The following PAX3 variants were observed in gnomAD, a reference collection of about 807,000 sequenced individuals.
PAX3 encodes paired box protein Pax-3.
In PAX3, 14 loss-of-function variants were observed where a neutral mutation model predicts 51.6. That is an observed-to-expected ratio of 0.27 (90% CI 0.18 to 0.42). The LOEUF (loss-of-function observed/expected upper bound fraction) is 0.42. Among genes scored for constraint, PAX3 ranks in the 10% least tolerant of loss-of-function variants. PAX3 has a pLI of 1.00. For synonymous variants in PAX3, 280 were observed against 253.4 expected, an observed-to-expected ratio of 1.11 and a Z score of -1.00; for missense variants, 540 against 642.8, an observed-to-expected ratio of 0.84 and a Z score of 1.73.
intron 3 of PAX3, among the ~76,000 whole-genome samples, chr2:222,295,302 G>T (rs1471231324): frequency 1.3e-5 from 2 of 152,158 alleles, no homozygotes; most frequent in Non-Finnish European, 2.9e-5. Context: ...TCTTCTTTGG[G>T]GCGTCCTCAG....
intron 5 of PAX3, among the ~76,000 whole-genome samples, chr2:222,223,631 G>A (rs879518655): frequency 7.2e-5 from 11 of 152,132 alleles, no homozygotes; most frequent in African/African-American, 2.7e-4. Flanking sequence ...ATTATAATAC[G>A]TCAAGACTAA....
intron 7 of PAX3, among the ~76,000 whole-genome samples, chr2:222,209,316 C>T (rs1038081519): frequency 1.2e-4 from 18 of 152,200 alleles, no homozygotes; most frequent in East Asian, 3.9e-4. Flanking sequence ...ACAGAAAAGA[C>T]GCTTCCTTGC....
intron 4 of PAX3, among the ~76,000 whole-genome samples, chr2:222,250,636 T>C (rs1020538386): frequency 5.9e-5 from 9 of 152,170 alleles, no homozygotes; most frequent in Non-Finnish European, 1.2e-4. Flanking sequence ...TTTGGTTAGA[T>C]TGGTTGGTTA....
chr2:222,249,314 T>A (rs1693338209), intron 4 of PAX3, among the ~76,000 whole-genome samples: 1 of 152,210 alleles, frequency 6.6e-6, no homozygotes, highest in Non-Finnish European at 1.5e-5. Context: ...ATGTCGTGAT[T>A]CTTCTCTTTG....
intron 4 of PAX3, among the ~76,000 whole-genome samples, chr2:222,255,782 C>CTTTTT (rs71781283): frequency 7.3e-6 from 1 of 136,542 alleles, no homozygotes; most frequent in Non-Finnish European, 1.6e-5. Flanking sequence ...CAATTATATT[C>CTTTTT]TTTTTTTTTT....
intron 4 of PAX3, among the ~76,000 whole-genome samples, chr2:222,258,471 T>C (rs1228064493): frequency 6.6e-6 from 1 of 152,190 alleles, no homozygotes; most frequent in Non-Finnish European, 1.5e-5. Context: ...TATTTAAATA[T>C]GGAGCTTATA....
chr2:222,220,400 G>A lies in PAX3; in HGVS notation c.959-46C>T, dbSNP rs769339706. 7 of 1,589,464 alleles carry A rather than the reference G, an allele frequency of 4.4e-6. No individual in the cohort carries two copies. In the East Asian group the frequency reaches 1.6e-4, roughly 36 times the overall value. On this transcript the variant is annotated intron_variant, in intron 6 of 8. Transcript: ENST00000392070. ...AACCATCATGTTTTCTTTTAGGCCA[G>A]CAGAGAAAGTTCAGTGCAAAAGTTC... is the stretch of plus-strand genomic sequence containing the variant.
chr2:222,295,652 C>T lies in PAX3; in HGVS notation c.327G>A (p.Val109=). 4.3e-6 allele frequency: 7 copies of T among 1,614,150 alleles called. No individual in the cohort carries two copies. The highest frequency in any genetic ancestry group is 1.1e-5 in the South Asian group (1 of 91,076). The part of the protein sequence containing the change: ...GAIGGSKPKQ[V]TTPDVEKKIE... ...TTTTCTTCTCCACGTCAGGCGTTGT[C>T]ACCTGCTTTAAGAGAACAGGCGGGC... The change falls in exon 3 of 9, where the codon GTG becomes GTA. Residue 109 remains valine, a synonymous_variant. Coordinates refer to ENST00000392070, the MANE Select transcript of PAX3 (RefSeq NM_181458.4).
chr2:222,236,699 A>C (rs1692809857), intron 4 of PAX3, among the ~76,000 whole-genome samples: 1 of 152,242 alleles, frequency 6.6e-6, no homozygotes, highest in Non-Finnish European at 1.5e-5. Flanking sequence ...ATAAATTGCC[A>C]GGATACAACA....
intron 4 of PAX3, among the ~76,000 whole-genome samples, chr2:222,286,236 C>T (rs1694830394): frequency 6.6e-6 from 1 of 152,264 alleles, no homozygotes; most frequent in Admixed American, 6.5e-5. Context: ...CCGCGCCAGG[C>T]GGCTTGATCA....
At chr2:222,225,129 T>C (rs1692337284) in intron 5 of PAX3, among the ~76,000 whole-genome samples, 2 of 152,180 alleles carry the variant, frequency 1.3e-5, no homozygotes, top group South Asian at 4.1e-4. Flanking sequence ...TACTATACTA[T>C]TAGACACAGT....
chr2:222,295,674 G>A lies in PAX3; in HGVS notation c.322-17C>T, dbSNP rs181037066. ...TGTCACCTGCTTTAAGAGAACAGGCGGGCAGGCGTTGGTACCCGGTACCCT... is the reference window on the plus strand; with the variant it reads ...TGTCACCTGCTTTAAGAGAACAGGCAGGCAGGCGTTGGTACCCGGTACCCT... On this transcript the variant is annotated splice_polypyrimidine_tract_variant and intron_variant, in intron 2 of 8. Coordinates refer to ENST00000392070, the MANE Select transcript of PAX3 (RefSeq NM_181458.4). 6.5e-5 allele frequency: 105 copies of A among 1,613,900 alleles called. No individual in the cohort carries two copies. The highest frequency in any genetic ancestry group is 2.7e-4 in the East Asian group (12 of 44,890).
intron 4 of PAX3, among the ~76,000 whole-genome samples, chr2:222,255,917 A>ATTTTTTTTTTTTTTTTTTTT (rs57757180): frequency 1.4e-4 from 14 of 98,330 alleles, no homozygotes; most frequent in Non-Finnish European, 2.5e-4. Flanking sequence ...CGCCCAGCTA[A>ATTTTTTTTTTTTTTTTTTTT]TTTTTTTTTT....
At chr2:222,207,305 A>C (rs2106044328) in intron 7 of PAX3, among the ~76,000 whole-genome samples, 1 of 152,330 alleles carries the variant, frequency 6.6e-6, no homozygotes, top group African/African-American at 2.4e-5. Flanking sequence ...GCAGTTGATT[A>C]GCATCTAAAT....
intron 4 of PAX3, among the ~76,000 whole-genome samples, chr2:222,291,127 G>A (rs1695019631): frequency 3.3e-5 from 5 of 152,186 alleles, no homozygotes; most frequent in Admixed American, 3.3e-4. Context: ...GGCGGCGCCC[G>A]CGGGCCCGCT....
Position 222,201,299 on chromosome 2 carries a change from C to CA in PAX3, c.*108_*109insT. ...GTCTCCTATTGGGACCACTGCCCCA[C>CA]CCCCCCCAACAAAAGGGTAATTTTT... On this transcript the variant is annotated 3_prime_UTR_variant, in exon 9 of 9. Transcript: ENST00000392070. 2 of 1,548,452 alleles carry CA rather than the reference C, an allele frequency of 1.3e-6. No homozygotes were observed. The highest frequency in any genetic ancestry group is 1.1e-5 in the South Asian group (1 of 88,262).
rs1224379291 is a variant in PAX3 at position 222,201,186 on chromosome 2, G to A, written c.*222C>T. 12 of 1,613,868 alleles carry A rather than the reference G, an allele frequency of 7.4e-6. No individual in the cohort carries two copies. The highest frequency in any genetic ancestry group is 4.0e-5 in the African/African-American group (3 of 74,870). ...TTGCATTTGTCTTTTATTGCTCCAG[G>A]TCTTCCTCTTCTCCACTGCTTTTGT... On this transcript the variant is annotated 3_prime_UTR_variant, in exon 9 of 9. Coordinates refer to ENST00000392070, the MANE Select transcript of PAX3 (RefSeq NM_181458.4).
At position 222,245,710 on chromosome 2, in the gene PAX3, C is replaced by A. The variant is rs143209469; in HGVS notation, c.587-13427G>T. ...AGAGGCCAGGCACTGTGGCTCACAC[C>A]TGTAAACCCAGCACTTTGGGAGGCC... On this transcript the variant is annotated intron_variant, in intron 4 of 8. Coordinates refer to ENST00000392070, the MANE Select transcript of PAX3 (RefSeq NM_181458.4). Among the ~76,000 whole-genome samples the A allele has an allele frequency of 3.0e-3, 450 of 151,920 alleles. 2 individuals are homozygous for A. The highest frequency in any genetic ancestry group is 9.6e-3 in the African/African-American group (396 of 41,434).
At chr2:222,293,697 A>C in intron 4 of PAX3, 1 of 1,614,184 alleles carries the variant, frequency 6.2e-7, no homozygotes, top group African/African-American at 1.3e-5. Flanking sequence ...GCCGTTGCCC[A>C]AAAGAGTACT....
Sources: allele counts gnomAD v4.1 joint callset (sites outside exome capture counted in the v4.1 genomes callset), GRCh38; gene constraint gnomAD v4.1.1; transcripts MANE v1.5; gene names NCBI Gene and HGNC (gene_info 2026-07-23, HGNC 2026-07-21).